IMPA2: variants seen among roughly 807,000 people sequenced by gnomAD.
The protein encoded by IMPA2 is IMP 2.
A neutral mutation model predicts 35.1 loss-of-function variants in IMPA2; 32 were observed. That is an observed-to-expected ratio of 0.91 (90% CI 0.69 to 1.23). The LOEUF (loss-of-function observed/expected upper bound fraction) is 1.23, where lower values mean the gene tolerates loss of function less well. Ranked by LOEUF, IMPA2 falls within the 50% of genes most tolerant of loss-of-function variation. The pLI is 0.00. For missense variants in IMPA2, 334 were observed against 387.6 expected, an observed-to-expected ratio of 0.86 and a Z score of 1.16; for synonymous variants, 135 against 160.6, an observed-to-expected ratio of 0.84 and a Z score of 1.20.
chr18:12,009,805 A>C, intron 2 of IMPA2, 78 bp from the exon 3 acceptor site: 1 of 1,041,558 alleles, frequency 9.6e-7, no homozygotes, highest in Non-Finnish European at 1.5e-6. Flanking sequence ...CTTTTTCTTT[A>C]ATGGGACTGG....
chr18:12,007,027 G>A (rs1055763401), intron 2 of IMPA2, among the ~76,000 whole-genome samples: 6 of 152,226 alleles, frequency 3.9e-5, no homozygotes, highest in Non-Finnish European at 7.3e-5. Flanking sequence ...CTACTCATGA[G>A]GCTGAGGCAG....
chr18:11,990,231 A>C (rs922261629), intron 1 of IMPA2, among the ~76,000 whole-genome samples: 1 of 152,108 alleles, frequency 6.6e-6, no homozygotes, highest in Non-Finnish European at 1.5e-5. Flanking sequence ...CTCACCTTTC[A>C]TGTGAGAGAT....
In IMPA2 at chr18:11,992,982, T is replaced by A. The variant is rs147715240; in HGVS notation, c.97-6072T>A. 1.0e-3 allele frequency among the ~76,000 whole-genome samples: 153 copies of A among 152,380 alleles called. 4 individuals carry two copies. The East Asian group carries it at 0.024, about 24-fold the overall frequency. On this transcript the variant is annotated intron_variant, in intron 1 of 7. Coordinates refer to ENST00000269159, the MANE Select transcript of IMPA2 (RefSeq NM_014214.3). ...GTATTTTAGCATCCTATTTGCAACGTGTACATTGTATGTACGGTAGGTTCT... is the reference window on the plus strand; with the variant it reads ...GTATTTTAGCATCCTATTTGCAACGAGTACATTGTATGTACGGTAGGTTCT...
intron 2 of IMPA2, among the ~76,000 whole-genome samples, chr18:12,001,484 G>A (rs75092378): frequency 0.022 from 3,284 of 152,212 alleles, 94 homozygotes; most frequent in African/African-American, 0.074. Flanking sequence ...TTGGGGCTGT[G>A]ATGTGTTTCA....
chr18:12,008,237 C>G, intron 2 of IMPA2: 2 of 466,956 alleles, frequency 4.3e-6, no homozygotes, highest in Non-Finnish European at 8.6e-6. Flanking sequence ...CTCAGGTGAT[C>G]TGCCCGCCTT....
At chr18:12,000,806 G>A (rs992036337) in intron 2 of IMPA2, among the ~76,000 whole-genome samples, 5 of 150,910 alleles carry the variant, frequency 3.3e-5, no homozygotes, top group South Asian at 2.1e-4. Context: ...TAGTAGAGAC[G>A]GAGTTTCACC....
intron 1 of IMPA2, among the ~76,000 whole-genome samples, chr18:11,990,426 C>T (rs1434589522): frequency 6.6e-6 from 1 of 151,564 alleles, no homozygotes; most frequent in Non-Finnish European, 1.5e-5. Context: ...GAGGAGGGGT[C>T]GGGGCCAATA....
chr18:12,030,539 T>G lies in IMPA2; in HGVS notation c.*81T>G. 1 of 1,060,946 alleles carries G rather than the reference T, an allele frequency of 9.4e-7. No homozygotes were observed. Among genetic ancestry groups the G allele is most frequent in the East Asian group, 2.4e-5 (1 of 41,762 alleles). 65.7% of individuals were successfully genotyped at this position (1,060,946 alleles called of 1,614,324 possible). On this transcript the variant is annotated 3_prime_UTR_variant, in exon 8 of 8. Transcript: ENST00000269159. ...GGGAGGTGGCCCTCGTGGCCCACGC[T>G]CCATGCCAGTGGCTCACGCTCTGCT...
chr18:12,026,256 C>T (rs1011275043), intron 5 of IMPA2, among the ~76,000 whole-genome samples: 1 of 151,858 alleles, frequency 6.6e-6, no homozygotes, highest in African/African-American at 2.4e-5. Flanking sequence ...TGGTCTTGAA[C>T]TCCCAGCCTC....
chr18:12,017,550 T>C lies in IMPA2; in HGVS notation c.490+3177T>C. ...TGTTCCTGGGTCAGTCTTTGTTGCC[T>C]TTTCACTGGACTGTGCTAGGAAGTA... On this transcript the variant is annotated intron_variant, in intron 5 of 7. Coordinates refer to ENST00000269159, the MANE Select transcript of IMPA2 (RefSeq NM_014214.3). The C allele has an allele frequency of 8.3e-6, 3 of 361,950 alleles. No homozygotes were observed. The Admixed American group carries it at 1.1e-4, about 13-fold the overall frequency. 22.4% of individuals were successfully genotyped at this position (361,950 alleles called of 1,614,324 possible).
At chr18:11,984,519 A>G (rs1906599656) in intron 1 of IMPA2, among the ~76,000 whole-genome samples, 1 of 152,218 alleles carries the variant, frequency 6.6e-6, no homozygotes, top group Non-Finnish European at 1.5e-5. Flanking sequence ...CCAGAAACTT[A>G]GACAATTTAG....
At chr18:11,997,539 G>T (rs961894602) in intron 1 of IMPA2, among the ~76,000 whole-genome samples, 1 of 152,208 alleles carries the variant, frequency 6.6e-6, no homozygotes, top group Non-Finnish European at 1.5e-5. Flanking sequence ...TACAGCGTGG[G>T]CCAGCTCTGG....
intron 1 of IMPA2, among the ~76,000 whole-genome samples, chr18:11,989,875 C>A (rs1458245327): frequency 1.3e-5 from 2 of 152,284 alleles, no homozygotes; most frequent in African/African-American, 4.8e-5. Context: ...TGGGTGAAAT[C>A]ACTCAGCCAG....
chr18:12,007,639 CTTTCTT>C (rs1284053414), intron 2 of IMPA2, among the ~76,000 whole-genome samples: 6 of 85,500 alleles, frequency 7.0e-5, no homozygotes, highest in African/African-American at 2.6e-4. Context: ...TTCTTTCTTT[CTTTCTT>C]TCTTTCTTTC....
chr18:12,029,113 T>TG (rs1326207566), intron 7 of IMPA2, 120 bp downstream of exon 7: 60 of 770,344 alleles, frequency 7.8e-5, no homozygotes, highest in African/African-American at 5.1e-4. Context: ...TTTCTGTTTT[T>TG]TTTTTTTTTT....
chr18:12,028,430 C>T, intron 6 of IMPA2: 2 of 475,300 alleles, frequency 4.2e-6, no homozygotes, highest in South Asian at 3.6e-5. Context: ...CAAATACTTA[C>T]AGTCCTTCCC....
At chr18:12,011,977 C>G (rs1321949887) in intron 3 of IMPA2, among the ~76,000 whole-genome samples, 193 bp from the exon 4 acceptor site, 1 of 152,252 alleles carries the variant, frequency 6.6e-6, no homozygotes, top group Non-Finnish European at 1.5e-5. Context: ...GGTTAACTGT[C>G]TTACGACATG....
intron 1 of IMPA2, among the ~76,000 whole-genome samples, chr18:11,993,271 T>A (rs187344985): frequency 2.0e-5 from 3 of 152,342 alleles, no homozygotes; most frequent in African/African-American, 7.2e-5. Context: ...TATCCCTCTC[T>A]ACTCCCACTG....
Position 12,028,038 on chromosome 18 carries a change from T to C in IMPA2, c.491-5T>C. ...TCTGGTGACAGGAAATTCTTTTTAT[T>C]GCAGATCTCTCAAAGGCCTTGGTTC... On this transcript the variant is annotated splice_region_variant and splice_polypyrimidine_tract_variant and intron_variant, in intron 5 of 7. Coordinates refer to ENST00000269159, the MANE Select transcript of IMPA2 (RefSeq NM_014214.3). 1 of 1,601,038 alleles carries C rather than the reference T, an allele frequency of 6.2e-7. No individual in the cohort carries two copies. Among genetic ancestry groups the C allele is most frequent in the South Asian group, 1.1e-5 (1 of 90,792 alleles).
Sources: allele counts gnomAD v4.1 joint callset (sites outside exome capture counted in the v4.1 genomes callset), GRCh38; gene constraint gnomAD v4.1.1; transcripts MANE v1.5; gene names NCBI Gene and HGNC (gene_info 2026-07-23, HGNC 2026-07-21).